SLCO6A1: variants seen among roughly 807,000 people sequenced by gnomAD.
SLCO6A1 encodes cancer/testis antigen 48.
A neutral mutation model predicts 72.7 loss-of-function variants in SLCO6A1; 65 were observed. That is an observed-to-expected ratio of 0.89 (90% confidence interval 0.73 to 1.10). The LOEUF is 1.10. Ranked by LOEUF, SLCO6A1 falls within the 50% of genes least tolerant of loss-of-function variation. The pLI is 0.00. For synonymous variants in SLCO6A1, 314 were observed against 298.2 expected (o/e 1.05, Z -0.55); for missense variants, 874 against 872.6 (o/e 1.00, Z -0.02).
rs1554065655 is a variant in SLCO6A1, at chr5:102,389,459, C to CA, written c.1880-635dup. On this transcript the variant is annotated intron_variant, in intron 11 of 13. Transcript: ENST00000506729. Reference sequence around the variant, plus strand: ...TCACACACCCCGCCCCCCACCCCCACACACACAGAGTTGCCCCCAAACACA... The same window carrying CA: ...TCACACACCCCGCCCCCCACCCCCACAACACACAGAGTTGCCCCCAAACACA... Among the ~76,000 whole-genome samples, 14 of 111,088 alleles carry CA rather than the reference C, an allele frequency of 1.3e-4. 1 individual carries two copies. Among genetic ancestry groups the CA allele is most frequent in the African/African-American group, 4.7e-4 (14 of 30,046 alleles). 72.9% of individuals were successfully genotyped at this position (111,088 alleles called of 152,430 possible). A position where few individuals can be genotyped will look rare whatever the true frequency, so the allele number is the denominator to read the frequency against.
At chr5:102,403,860 C>T (rs1747527175) in intron 9 of SLCO6A1, among the ~76,000 whole-genome samples, 1 of 152,146 alleles carries the variant, frequency 6.6e-6, no homozygotes, top group Non-Finnish European at 1.5e-5. Flanking sequence ...CTAACAAGTA[C>T]AGCATATAAT....
At chr5:102,467,094 C>T (rs1297966075) in intron 4 of SLCO6A1, among the ~76,000 whole-genome samples, 1 of 152,024 alleles carries the variant, frequency 6.6e-6, no homozygotes, top group East Asian at 1.9e-4. Flanking sequence ...TTTGCCCATG[C>T]CTATTCCTGA....
chr5:102,424,792 A>G (rs1748800192), intron 7 of SLCO6A1, among the ~76,000 whole-genome samples: 3 of 152,198 alleles, frequency 2.0e-5, no homozygotes, highest in Non-Finnish European at 4.4e-5. Flanking sequence ...TCATCCAGAT[A>G]CCAAAACCTG....
rs757871166 is a variant in SLCO6A1, at chr5:102,477,662, G to A, written c.802+14C>T. 3.7e-6 allele frequency: 6 copies of A among 1,601,410 alleles called. No individual in the cohort carries two copies. The highest frequency in any genetic ancestry group is 3.4e-5 in the Admixed American group (2 of 58,288). ...TCAAAATGGGTCAATCGTAATAGAG[G>A]GGGTAAAACTTGCCTAAATAGATAC... On this transcript the variant is annotated intron_variant, in intron 3 of 13. Coordinates refer to ENST00000506729, the MANE Select transcript of SLCO6A1 (RefSeq NM_173488.5).
At chr5:102,418,116 C>G (rs1748391431) in intron 8 of SLCO6A1, among the ~76,000 whole-genome samples, 1 of 151,460 alleles carries the variant, frequency 6.6e-6, no homozygotes, top group Non-Finnish European at 1.5e-5. Context: ...AAATATTATT[C>G]CACTGTCTTC....
At chr5:102,398,976 T>C (rs1393900776) in intron 10 of SLCO6A1, among the ~76,000 whole-genome samples, 1 of 152,076 alleles carries the variant, frequency 6.6e-6, no homozygotes, top group Non-Finnish European at 1.5e-5. Context: ...TAAAGTTTTT[T>C]GTTAGCGTCT....
chr5:102,439,977 A>G (rs1399096311), intron 6 of SLCO6A1, among the ~76,000 whole-genome samples: 5 of 152,208 alleles, frequency 3.3e-5, no homozygotes, highest in Non-Finnish European at 2.9e-5. Context: ...AATTGTCACA[A>G]TGAAACAAAT....
intron 6 of SLCO6A1, among the ~76,000 whole-genome samples, chr5:102,444,079 T>C (rs1013744746): frequency 1.3e-5 from 2 of 152,326 alleles, no homozygotes; most frequent in South Asian, 4.1e-4. Flanking sequence ...CTACATGTGC[T>C]TACTTAGTAA....
chr5:102,439,635 T>C (rs2400795), intron 6 of SLCO6A1, among the ~76,000 whole-genome samples: 97,060 of 151,898 alleles, frequency 0.64, 31,198 homozygotes, highest in African/African-American at 0.66. Flanking sequence ...CCTTCAACTC[T>C]CTACCATCAC....
At chr5:102,400,733 G>A (rs988622952) in intron 9 of SLCO6A1, among the ~76,000 whole-genome samples, 13 of 152,072 alleles carry the variant, frequency 8.5e-5, no homozygotes, top group Non-Finnish European at 1.5e-4. Flanking sequence ...TTGAATCTGG[G>A]TTATTCAGAA....
chr5:102,438,563 C>T, intron 7 of SLCO6A1, 54 bp downstream of exon 7: 1 of 1,365,330 alleles, frequency 7.3e-7, no homozygotes, highest in East Asian at 2.6e-5. Context: ...TTCATAAGTA[C>T]ATACAATAAG....
At chr5:102,421,582 C>T (rs1275131800) in intron 7 of SLCO6A1, among the ~76,000 whole-genome samples, 1 of 152,144 alleles carries the variant, frequency 6.6e-6, no homozygotes, top group African/African-American at 2.4e-5. Flanking sequence ...TTCCTCCTCA[C>T]TGGGCAGGGC....
intron 7 of SLCO6A1, among the ~76,000 whole-genome samples, chr5:102,432,213 T>C (rs1749259156): frequency 6.6e-6 from 1 of 152,192 alleles, no homozygotes; most frequent in African/African-American, 2.4e-5. Context: ...GTCTTTTCAT[T>C]GGGGCATTTA....
At position 102,480,292 on chromosome 5, in the gene SLCO6A1, G is replaced by A. The variant is rs1439096229; in HGVS notation, c.501C>T (p.Asp167=). 3.1e-6 allele frequency: 5 copies of A among 1,613,326 alleles called. No homozygotes were observed. Among genetic ancestry groups the A allele is most frequent in the African/African-American group, 1.3e-5 (1 of 74,956 alleles). The part of the protein sequence containing the change: ...LVAIFIAFYG[D]RKKVIWFVAS... Reference sequence around the variant, plus strand: ...CTACAAACCATATTACTTTTTTTCTGTCTCCATAGAATGCTATAAATATTG... The same window carrying A: ...CTACAAACCATATTACTTTTTTTCTATCTCCATAGAATGCTATAAATATTG... The change falls in exon 2 of 14, where the codon GAC becomes GAT. Residue 167 remains aspartate (D), a synonymous_variant. Coordinates refer to ENST00000506729, the MANE Select transcript of SLCO6A1 (RefSeq NM_173488.5).
intron 10 of SLCO6A1, among the ~76,000 whole-genome samples, chr5:102,391,777 C>T (rs1353959865): frequency 2.6e-5 from 4 of 151,938 alleles, no homozygotes; most frequent in African/African-American, 9.7e-5. Context: ...TGAGGGTGCC[C>T]CCTCTTTCAT....
chr5:102,451,547 C>A (rs769141591), intron 6 of SLCO6A1, among the ~76,000 whole-genome samples: 4 of 152,188 alleles, frequency 2.6e-5, no homozygotes, highest in African/African-American at 9.7e-5. Flanking sequence ...TGCAGCTCTT[C>A]ATGTCATTCT....
chr5:102,376,522 T>C (rs569701181), intron 12 of SLCO6A1, among the ~76,000 whole-genome samples: 2 of 151,990 alleles, frequency 1.3e-5, no homozygotes, highest in Admixed American at 6.6e-5. Context: ...TGCCAAACAA[T>C]AGGGCTTCAA....
At chr5:102,435,010 A>G (rs934115735) in intron 7 of SLCO6A1, among the ~76,000 whole-genome samples, 1 of 152,226 alleles carries the variant, frequency 6.6e-6, no homozygotes, top group African/African-American at 2.4e-5. Context: ...TTGTTTAAAC[A>G]AAATAGCCAA....
chr5:102,435,727 T>C (rs1316241078), intron 7 of SLCO6A1, among the ~76,000 whole-genome samples: 1 of 151,930 alleles, frequency 6.6e-6, no homozygotes, highest in African/African-American at 2.4e-5. Context: ...AATACAAAAT[T>C]AGCTGGGCGT....
Sources: allele counts gnomAD v4.1 joint callset (sites outside exome capture counted in the v4.1 genomes callset), GRCh38; gene constraint gnomAD v4.1.1; transcripts MANE v1.5; gene names NCBI Gene and HGNC (gene_info 2026-07-23, HGNC 2026-07-21).